Variants in RHBDF1 observed in about 807,000 individuals in gnomAD.
RHBDF1 encodes the protein inactive rhomboid protein 1.
RHBDF1 carries 80 observed loss-of-function variants against 98.6 expected under a neutral mutation model. The observed-to-expected ratio is 0.81, with a 90% CI of 0.68 to 0.98. The LOEUF (loss-of-function observed/expected upper bound fraction) is 0.98, where lower values mean the gene tolerates loss of function less well. RHBDF1 is among the 50% of genes least tolerant of loss of function. The pLI, the probability that RHBDF1 is intolerant of heterozygous loss-of-function variation, is 0.00. For missense variants in RHBDF1, 1,116 were observed against 1,198.3 expected, an observed-to-expected ratio of 0.93 and a Z score of 1.01; for synonymous variants, 512 against 486.8, an observed-to-expected ratio of 1.05 and a Z score of -0.68.
Position 61,853 on chromosome 16 carries a change from G to A in RHBDF1, c.1153C>T (p.Arg385Cys), listed in dbSNP as rs1435079394. 6.2e-7 allele frequency: 1 copy of A among 1,611,416 alleles called. No individual in the cohort carries two copies. Among genetic ancestry groups the A allele is most frequent in the Non-Finnish European group, 8.5e-7 (1 of 1,179,796 alleles). ...MVGRLTNRTY[R>C]KRIDSFVKRQ... The stretch of plus-strand genomic sequence containing the variant: ...TTGACGAAGCTGTCGATGCGCTTGC[G>A]GTAGGTGCGGTTGGTGAGCCGTCCC... The change falls in exon 8 of 18, where the codon CGC becomes TGC. Residue 385 changes from arginine to cysteine, a missense_variant. Physicochemically the swap from Arg to Cys is radical, Grantham distance 180. Coordinates refer to ENST00000262316, the MANE Select transcript of RHBDF1 (RefSeq NM_022450.5).
At chr16:62,157 C>T (rs569567079) in intron 7 of RHBDF1, 105 bp from the exon 8 acceptor site, 2 of 1,381,490 alleles carry the variant, frequency 1.4e-6, no homozygotes, top group Non-Finnish European at 9.5e-7. Context: ...GAATATACTG[C>T]GCAAGTCGCC....
intron 6 of RHBDF1, 25 bp downstream of exon 6, chr16:62,750 G>C (rs779305641): frequency 3.7e-6 from 6 of 1,613,940 alleles, no homozygotes; most frequent in Non-Finnish European, 4.2e-6. Flanking sequence ...ACGTGGGGTG[G>C]GGGGACACCC....
At chr16:69,815 G>C (rs1449095080) in intron 1 of RHBDF1, among the ~76,000 whole-genome samples, 1 of 152,174 alleles carries the variant, frequency 6.6e-6, no homozygotes, top group Non-Finnish European at 1.5e-5. Context: ...TGAGACCTTT[G>C]CAGGGTTCTC....
At chr16:68,909 T>A (rs367845715) in intron 1 of RHBDF1, among the ~76,000 whole-genome samples, 2 of 152,212 alleles carry the variant, frequency 1.3e-5, no homozygotes, top group South Asian at 2.1e-4. Context: ...GGGAGGCCAC[T>A]GGGGACAGCC....
In RHBDF1 at chr16:58,336, C is replaced by T. The variant is rs1238022416; in HGVS notation, c.*4G>A. The T allele has an allele frequency of 1.9e-6, 3 of 1,606,582 alleles. No homozygotes were observed. Among genetic ancestry groups the T allele is most frequent in the South Asian group, 1.1e-5 (1 of 90,870 alleles). On this transcript the variant is annotated 3_prime_UTR_variant, in exon 18 of 18. Transcript: ENST00000262316. ...GCACACGGCCGCTGGAGCCCGCAGC[C>T]AGCTCAGTGGAGCTGAGCGTCCAGT...
chr16:59,474 TC>T lies in RHBDF1; in HGVS notation c.1837del (p.Glu613SerfsTer6), dbSNP rs1028130800. The stretch of plus-strand genomic sequence containing the variant: ...GTAGCCCCTCATGAAGTCACAGTAC[TC>T]CCGGGAGGTGATCTCACACCTAGAA... ...TKGRCEITSR[E>X]YCDFMRGYFH... is the part of the protein sequence containing the mutation. On this transcript the variant is annotated frameshift_variant, in exon 15 of 18. Coordinates refer to ENST00000262316, the MANE Select transcript of RHBDF1 (RefSeq NM_022450.5). LOFTEE classifies it high-confidence loss of function. The T allele has an allele frequency of 6.2e-7, 1 of 1,613,346 alleles. No homozygotes were observed. Among genetic ancestry groups the T allele is most frequent in the Non-Finnish European group, 8.5e-7 (1 of 1,179,950 alleles).
intron 14 of RHBDF1, 75 bp downstream of exon 14, chr16:59,657 G>C: frequency 6.4e-7 from 1 of 1,559,264 alleles, no homozygotes; most frequent in Non-Finnish European, 8.7e-7. Context: ...TCAGGATTTG[G>C]TTAGGGAGAA....
intron 1 of RHBDF1, among the ~76,000 whole-genome samples, chr16:66,556 C>T (rs535524681): frequency 1.3e-5 from 2 of 152,174 alleles, no homozygotes; most frequent in Non-Finnish European, 2.9e-5. Context: ...ACTGGTCCTA[C>T]AGGGACCAGA....
In RHBDF1 at chr16:58,968, C is replaced by G. The variant is rs1483308414; in HGVS notation, c.2148+6G>C. On this transcript the variant is annotated splice_donor_region_variant and intron_variant, in intron 17 of 17. Transcript: ENST00000262316. ...GGAGGATCCCCACCCTGAGGGCCAG[C>G]CTTACCTCTGCTCGGTATGGCAGGA... The G allele has an allele frequency of 5.0e-6, 8 of 1,612,712 alleles. No homozygotes were observed. Among genetic ancestry groups the G allele is most frequent in the Middle Eastern group, 1.7e-4 (1 of 5,792 alleles).
Position 59,016 on chromosome 16 carries a change from G to A in RHBDF1, c.2106C>T (p.Thr702=), listed in dbSNP as rs145921790. 5.0e-6 allele frequency: 8 copies of A among 1,613,126 alleles called. No homozygotes were observed. Among genetic ancestry groups the A allele is most frequent in the African/African-American group, 4.0e-5 (3 of 74,938 alleles). ...IAIIYLLSGV[T]GNLASAIFLP... ...GGAAGATGGCACTGGCCAGGTTGCC[G>A]GTGACACCACTCAGCAGGTAGATGA... The change falls in exon 17 of 18, where the codon ACC becomes ACT. Residue 702 remains threonine (T), a synonymous_variant. Transcript: ENST00000262316.
intron 1 of RHBDF1, among the ~76,000 whole-genome samples, chr16:68,440 C>T (rs1164122436): frequency 6.6e-6 from 1 of 152,236 alleles, no homozygotes; most frequent in Non-Finnish European, 1.5e-5. Context: ...TCCCCAGGCG[C>T]ACAGTGGGCT....
intron 8 of RHBDF1, 35 bp from the exon 9 acceptor site, chr16:61,731 C>G (rs1330651941): frequency 1.2e-6 from 2 of 1,612,242 alleles, no homozygotes; most frequent in Non-Finnish European, 1.7e-6. Flanking sequence ...GCCTCATCCC[C>G]GACCCGGAGC....
At position 58,981 on chromosome 16, in the gene RHBDF1, C is replaced by T. The variant is rs375359373; in HGVS notation, c.2141G>A (p.Arg714Gln). ...CCTGAGGGCCAGCCTTACCTCTGCT[C>T]GGTATGGCAGGAAGATGGCACTGGC... is the stretch of plus-strand genomic sequence containing the variant. ...NLASAIFLPYRAEVGPAGSQF... is the reference protein window; with the variant it reads ...NLASAIFLPYQAEVGPAGSQF... Residue 714 changes from arginine (R) to glutamine (Q), a missense_variant, in exon 17 of 18, where the codon CGA (arginine) becomes CAA (glutamine). Coordinates refer to ENST00000262316, the MANE Select transcript of RHBDF1 (RefSeq NM_022450.5). 6.8e-6 allele frequency: 11 copies of T among 1,613,238 alleles called. No individual in the cohort carries two copies. The highest frequency in any genetic ancestry group is 2.2e-5 in the East Asian group (1 of 44,884).
intron 1 of RHBDF1, among the ~76,000 whole-genome samples, chr16:69,248 C>T (rs1229030494): frequency 2.6e-5 from 4 of 152,188 alleles, no homozygotes; most frequent in African/African-American, 9.7e-5. Context: ...TGGAGAGCTG[C>T]ATCCTCAGGT....
chr16:60,415 G>A (rs776996935), intron 12 of RHBDF1, 24 bp downstream of exon 12: 2 of 1,606,072 alleles, frequency 1.2e-6, no homozygotes, highest in East Asian at 2.2e-5. Context: ...AAAGGCAGGT[G>A]AGAGAGCTGC....
chr16:63,592 G>A lies in RHBDF1; in HGVS notation c.457C>T (p.Gln153Ter), dbSNP rs1225938394. Residue 153 changes from glutamine (Q) to a stop codon, truncating the protein, a stop_gained, in exon 4 of 18, where the codon CAG becomes TAG. Coordinates refer to ENST00000262316, the MANE Select transcript of RHBDF1 (RefSeq NM_022450.5). LOFTEE classifies it high-confidence loss of function. ...GCAGCAACAGGCAGGCATACCTTCTGCATGCCCAGCTGGCATGGCCCCACG... is the reference window on the plus strand; with the variant it reads ...GCAGCAACAGGCAGGCATACCTTCTACATGCCCAGCTGGCATGGCCCCACG... ...LYVGPCQLGM[Q>*]KIIDPLARGR... is the part of the protein sequence containing the mutation. 2.6e-6 allele frequency: 4 copies of A among 1,550,636 alleles called. No individual in the cohort carries two copies. The highest frequency in any genetic ancestry group is 3.5e-6 in the Non-Finnish European group (4 of 1,149,090).
chr16:59,231 G>A lies in RHBDF1; in HGVS notation c.1994+18C>T, dbSNP rs373578168. On this transcript the variant is annotated intron_variant, in intron 16 of 17. Coordinates refer to ENST00000262316, the MANE Select transcript of RHBDF1 (RefSeq NM_022450.5). ...TGAGGGCCCTGAGACCCCCGACCCG[G>A]CCCACAGTGTCACTTGCCCGGCGTG... is the stretch of plus-strand genomic sequence containing the variant. 5 of 1,593,262 alleles carry A rather than the reference G, an allele frequency of 3.1e-6. No homozygotes were observed. The highest frequency in any genetic ancestry group is 1.7e-4 in the Middle Eastern group (1 of 5,980).
intron 1 of RHBDF1, among the ~76,000 whole-genome samples, chr16:71,435 C>T (rs1897965459): frequency 1.3e-5 from 2 of 152,322 alleles, no homozygotes; most frequent in South Asian, 4.1e-4. Context: ...TTCTGCCCAC[C>T]CTTGGGGTCG....
At chr16:70,199 C>A (rs1379979219) in intron 1 of RHBDF1, among the ~76,000 whole-genome samples, 1 of 152,250 alleles carries the variant, frequency 6.6e-6, no homozygotes, top group Admixed American at 6.5e-5. Flanking sequence ...GCAGCAAGGA[C>A]TTAGCTACAC....
Sources: allele counts gnomAD v4.1 joint callset (sites outside exome capture counted in the v4.1 genomes callset), GRCh38; gene constraint gnomAD v4.1.1; transcripts MANE v1.5; gene names NCBI Gene and HGNC (gene_info 2026-07-23, HGNC 2026-07-21).